Variants in ESRRG observed in about 807,000 individuals in gnomAD.
ESRRG encodes estrogen related receptor gamma.
A neutral mutation model predicts 44.0 loss-of-function variants in ESRRG; 13 were observed. That is an observed-to-expected ratio of 0.30 (90% CI 0.19 to 0.47). ESRRG has a LOEUF of 0.47. Among genes scored for constraint, ESRRG ranks in the 20% least tolerant of loss-of-function variants. ESRRG has a pLI of 1.00. For missense variants in ESRRG, 395 were observed against 580.6 expected, an observed-to-expected ratio of 0.68 and a Z score of 3.29; for synonymous variants, 215 against 214.6, an observed-to-expected ratio of 1.00 and a Z score of -0.02.
chr1:216,756,013 C>T (rs1299854913), intron 2 of ESRRG, among the ~76,000 whole-genome samples: 1 of 151,920 alleles, frequency 6.6e-6, no homozygotes, highest in African/African-American at 2.4e-5. Flanking sequence ...TAGTTTGGAC[C>T]CAAGTAGTGT....
intron 2 of ESRRG, among the ~76,000 whole-genome samples, chr1:216,747,383 G>A (rs12737688): frequency 0.16 from 23,705 of 152,058 alleles, 2,120 homozygotes; most frequent in South Asian, 0.31. Flanking sequence ...TTTGTCTCAC[G>A]TGCTAGGTCC....
At chr1:216,655,420 C>T (rs2070223964) in intron 2 of ESRRG, among the ~76,000 whole-genome samples, 1 of 152,116 alleles carries the variant, frequency 6.6e-6, no homozygotes, top group South Asian at 2.1e-4. Context: ...GGAAGATCAG[C>T]AAATTCTCCA....
chr1:216,773,273 C>T (rs146001128), intron 2 of ESRRG, among the ~76,000 whole-genome samples: 2 of 152,176 alleles, frequency 1.3e-5, no homozygotes, highest in Non-Finnish European at 2.9e-5. Context: ...AAGGGATTCA[C>T]CATGGAATTC....
chr1:216,817,125 T>G (rs1316105972), intron 2 of ESRRG, among the ~76,000 whole-genome samples: 1 of 151,998 alleles, frequency 6.6e-6, no homozygotes, highest in Non-Finnish European at 1.5e-5. Context: ...GCGAAATATT[T>G]TGGCAAAACT....
At chr1:216,949,977 T>TTACTTCTTTTGAGTTACTTCAGCAA (rs1218564778) in intron 1 of ESRRG, among the ~76,000 whole-genome samples, 6 of 150,712 alleles carry the variant, frequency 4.0e-5, no homozygotes, top group African/African-American at 1.5e-4. Context: ...CACACCCGGC[T>TTACTTCTTTTGAGTTACTTCAGCAA]AATTTTTGTA....
chr1:216,635,804 G>A (rs888199317), intron 3 of ESRRG, among the ~76,000 whole-genome samples: 4 of 152,144 alleles, frequency 2.6e-5, no homozygotes, highest in African/African-American at 9.6e-5. Flanking sequence ...GCAATGTGAA[G>A]ACAACCTAAG....
At chr1:216,868,370 C>G (rs1256608595) in intron 2 of ESRRG, among the ~76,000 whole-genome samples, 4 of 152,074 alleles carry the variant, frequency 2.6e-5, no homozygotes, top group African/African-American at 9.7e-5. Flanking sequence ...TTACGGGATC[C>G]TGTGTGCCAC....
chr1:216,675,089 G>A (rs1200859277), intron 2 of ESRRG, among the ~76,000 whole-genome samples: 6 of 152,206 alleles, frequency 3.9e-5, no homozygotes, highest in African/African-American at 7.2e-5. Flanking sequence ...GGCCGGGCAC[G>A]GTGGCTCATG....
chr1:216,550,221 A>T (rs1222637421), intron 5 of ESRRG, among the ~76,000 whole-genome samples: 1 of 152,166 alleles, frequency 6.6e-6, no homozygotes, highest in Non-Finnish European at 1.5e-5. Flanking sequence ...TTTATATTCC[A>T]GCGGCATATC....
Position 216,718,658 on chromosome 1 carries a change from T to C in ESRRG, c.56+4586A>G, listed in dbSNP as rs568675746. Among the ~76,000 whole-genome samples the C allele has an allele frequency of 1.0e-3, 158 of 152,130 alleles. 3 individuals are homozygous for C. Among genetic ancestry groups the C allele is most frequent in the Non-Finnish European group, 7.4e-5 (5 of 67,858 alleles). On this transcript the variant is annotated intron_variant, in intron 1 of 6. Coordinates refer to ENST00000408911, the MANE Select transcript of ESRRG (RefSeq NM_001438.4). ...TGTGCTTTAGGACATGACAATTTAA[T>C]ACAATGCCAGTGGATGTAAAAGAGA...
intron 1 of ESRRG, among the ~76,000 whole-genome samples, chr1:217,021,837 A>T (rs2080375001): frequency 6.6e-6 from 1 of 152,230 alleles, no homozygotes; most frequent in African/African-American, 2.4e-5. Context: ...CGGATAAAAT[A>T]ACCCATCCTA....
chr1:217,064,647 T>C (rs2089298944), intron 1 of ESRRG, among the ~76,000 whole-genome samples: 1 of 152,120 alleles, frequency 6.6e-6, no homozygotes, highest in Non-Finnish European at 1.5e-5. Context: ...AGCTAACAGG[T>C]ACAAAATATC....
rs78279832 is a variant in ESRRG at position 216,929,802 on chromosome 1, A to G, written c.-14+9780T>C. The stretch of plus-strand genomic sequence containing the variant: ...ATGAGAATATTGGACCAGACCCCCC[A>G]GGTCTCTTCCTCCTTTATGATGCTA... On this transcript the variant is annotated intron_variant, in intron 2 of 7. Transcript: ENST00000359162. 2.6e-3 allele frequency among the ~76,000 whole-genome samples: 396 copies of G among 152,174 alleles called. 3 individuals are homozygous for G. The highest frequency in any genetic ancestry group is 9.2e-3 in the African/African-American group (380 of 41,506).
chr1:216,679,786 T>G (rs574115248), intron 1 of ESRRG, among the ~76,000 whole-genome samples: 1 of 152,238 alleles, frequency 6.6e-6, no homozygotes, highest in East Asian at 1.9e-4. Context: ...CTCATGGACT[T>G]GCAAAATTTG....
At chr1:216,813,861 C>A (rs957496081) in intron 2 of ESRRG, among the ~76,000 whole-genome samples, 16 of 152,198 alleles carry the variant, frequency 1.1e-4, no homozygotes, top group Admixed American at 9.2e-4. Flanking sequence ...AGAATTCTTA[C>A]CACTCTTGTG....
intron 2 of ESRRG, among the ~76,000 whole-genome samples, chr1:216,900,704 A>G (rs537095244): frequency 2.0e-5 from 3 of 152,328 alleles, no homozygotes. Flanking sequence ...GGTAGATTAT[A>G]TAATAACATT....
chr1:216,588,221 A>G (rs2057015317), intron 3 of ESRRG, among the ~76,000 whole-genome samples: 1 of 152,138 alleles, frequency 6.6e-6, no homozygotes, highest in Non-Finnish European at 1.5e-5. Context: ...ATAATTAGGG[A>G]TTTCCCATAT....
At chr1:216,855,376 G>T (rs76991314) in intron 2 of ESRRG, among the ~76,000 whole-genome samples, 1,716 of 152,040 alleles carry the variant, frequency 0.011, 25 homozygotes, top group African/African-American at 0.04. Context: ...GCCAGTCACT[G>T]GGATAAGAGC....
chr1:216,802,290 T>C (rs535415329), intron 2 of ESRRG, among the ~76,000 whole-genome samples: 2 of 152,086 alleles, frequency 1.3e-5, no homozygotes, highest in Admixed American at 6.6e-5. Flanking sequence ...AAATGGGGCA[T>C]TGGGACAAAG....
Sources: gnomAD v4.1 joint callset for allele counts (sites outside exome capture counted in the v4.1 genomes callset) on GRCh38, gnomAD v4.1.1 for gene constraint, MANE v1.5 for transcripts, NCBI Gene and HGNC (gene_info 2026-07-23, HGNC 2026-07-21) for gene names.